Variants in CKAP5 observed in about 807,000 individuals in gnomAD.
CKAP5 encodes cytoskeleton associated protein 5, also known as cytoskeleton-associated protein 5.
CKAP5 carries 27 observed loss-of-function variants against 232.8 expected under a neutral mutation model. That is an observed-to-expected ratio of 0.12 (90% CI 0.09 to 0.16). The LOEUF (loss-of-function observed/expected upper bound fraction) is 0.16. Among genes scored for constraint, CKAP5 ranks in the 10% least tolerant of loss-of-function variants. The probability of loss-of-function intolerance (pLI) is 1.00; values close to 1 mark genes in which losing one functional copy is unlikely to be tolerated. For synonymous variants in CKAP5, 785 were observed against 841.1 expected (o/e 0.93, Z 1.16); for missense variants, 1,838 against 2,424.7 (o/e 0.76, Z 5.08).
chr11:46,807,101 C>T (rs941431770), intron 8 of CKAP5, among the ~76,000 whole-genome samples: 4 of 152,158 alleles, frequency 2.6e-5, no homozygotes, highest in African/African-American at 4.8e-5. Context: ...GCAAGAGTTA[C>T]AGTGTTGTCG....
At chr11:46,760,528 C>A in intron 33 of CKAP5, 84 bp downstream of exon 33, 1 of 1,357,794 alleles carries the variant, frequency 7.4e-7, no homozygotes, top group African/African-American at 1.4e-5. Flanking sequence ...TACAAGAACT[C>A]AAGATTATGT....
At chr11:46,758,714 G>GA (rs5791737) in intron 35 of CKAP5, 5,422 of 340,038 alleles carry the variant, frequency 0.016, 5 homozygotes, top group East Asian at 0.033. Context: ...CTCAAAAGAG[G>GA]AAAAAAAAAA....
intron 16 of CKAP5, 123 bp downstream of exon 16, chr11:46,788,558 G>A: frequency 1.7e-6 from 1 of 601,582 alleles, no homozygotes; most frequent in East Asian, 3.4e-5. Context: ...TGGGCAACAA[G>A]AGCGAAACTC....
intron 8 of CKAP5, among the ~76,000 whole-genome samples, chr11:46,806,603 A>G (rs1247955177): frequency 6.6e-6 from 1 of 152,230 alleles, no homozygotes; most frequent in African/African-American, 2.4e-5. Context: ...CAAGATGGAA[A>G]ATTGATGACT....
chr11:46,775,294 G>T (rs554909005), intron 24 of CKAP5, among the ~76,000 whole-genome samples: 1 of 152,134 alleles, frequency 6.6e-6, no homozygotes, highest in Non-Finnish European at 1.5e-5. Flanking sequence ...ACCATCTCAC[G>T]CCAGTTAGAA....
intron 18 of CKAP5, among the ~76,000 whole-genome samples, chr11:46,781,802 A>C (rs907498218): frequency 3.3e-5 from 5 of 152,196 alleles, no homozygotes; most frequent in African/African-American, 1.2e-4. Flanking sequence ...CCTGCTTTAC[A>C]TAAACATATA....
At chr11:46,785,199 GACCT>G (rs1416922031) in intron 16 of CKAP5, among the ~76,000 whole-genome samples, 1 of 152,184 alleles carries the variant, frequency 6.6e-6, no homozygotes, top group Non-Finnish European at 1.5e-5. Flanking sequence ...TGTGATGGCA[GACCT>G]ATGGGATTAA....
rs60142188 is a variant in CKAP5 at position 46,814,131 on chromosome 11, CA to C, written c.458+2066del. 7.4e-3 allele frequency among the ~76,000 whole-genome samples: 598 copies of C among 81,184 alleles called. 4 individuals carry two copies. The highest frequency in any genetic ancestry group is 0.019 in the African/African-American group (389 of 20,060). 53.3% of individuals were successfully genotyped at this position (81,184 alleles called of 152,430 possible). On this transcript the variant is annotated intron_variant, in intron 4 of 43. Coordinates refer to ENST00000529230, the MANE Select transcript of CKAP5 (RefSeq NM_001008938.4). ...TGGGTGACAGAGCGAGACCTTGTCT[CA>C]AAAAAAAAAAAAAAAAAAAAAAAAG... is the stretch of plus-strand genomic sequence containing the variant.
intron 38 of CKAP5, 48 bp from the exon 39 acceptor site, chr11:46,751,582 T>C (rs1444723177): frequency 6.8e-7 from 1 of 1,464,416 alleles, no homozygotes; most frequent in African/African-American, 1.4e-5. Context: ...AGAATGAGGA[T>C]AATTTGTCAC....
rs765293345 is a variant in CKAP5 at position 46,744,448 on chromosome 11, C to T, written c.5834G>A (p.Arg1945Gln). The change falls in exon 43 of 44, where the codon CGA becomes CAA. Residue 1945 changes from arginine to glutamine, a missense_variant. Arg to Gln is a conservative substitution (Grantham distance 43). This residue lies in a region of CKAP5 where 579 missense variants were observed against 843.2 expected (regional missense o/e 0.69). Coordinates refer to ENST00000529230, the MANE Select transcript of CKAP5 (RefSeq NM_001008938.4). ...TACCTTTGTGTTGTCCAGACCACAT[C>T]GCTGTCGGAGGATCTTTAGCCTTTC... ...YLERLKILRQRCGLDNTKQDD... is the reference protein window; with the variant it reads ...YLERLKILRQQCGLDNTKQDD... 1.1e-5 allele frequency: 18 copies of T among 1,614,130 alleles called. No homozygotes were observed. Among genetic ancestry groups the T allele is most frequent in the South Asian group, 2.2e-5 (2 of 91,080 alleles).
intron 1 of CKAP5, among the ~76,000 whole-genome samples, chr11:46,845,247 A>G (rs1940157629): frequency 6.6e-6 from 1 of 152,212 alleles, no homozygotes; most frequent in Non-Finnish European, 1.5e-5. Flanking sequence ...ATAATTATGC[A>G]TAAGACAGGC....
intron 7 of CKAP5, among the ~76,000 whole-genome samples, chr11:46,808,495 C>T (rs911040914): frequency 7.2e-5 from 11 of 152,104 alleles, no homozygotes; most frequent in African/African-American, 2.4e-4. Flanking sequence ...GAGCCAAGAT[C>T]GCGCCACTGC....
intron 3 of CKAP5, among the ~76,000 whole-genome samples, chr11:46,817,665 T>C (rs1418960371): frequency 6.6e-6 from 1 of 152,158 alleles, no homozygotes; most frequent in Non-Finnish European, 1.5e-5. Flanking sequence ...TTAAGTCAAG[T>C]GTTTCAACTT....
chr11:46,829,842 G>A (rs1410340720), intron 1 of CKAP5, among the ~76,000 whole-genome samples: 4 of 14,460 alleles, frequency 2.8e-4, no homozygotes, highest in African/African-American at 6.7e-4. Context: ...TTTTGTATGT[G>A]TGTGTGTGTG....
chr11:46,763,236 T>C, intron 29 of CKAP5, 57 bp from the exon 30 acceptor site: 1 of 1,369,108 alleles, frequency 7.3e-7, no homozygotes, highest in Non-Finnish European at 1.0e-6. Flanking sequence ...ATCTTAATTC[T>C]ACTAGGCAAG....
Position 46,754,916 on chromosome 11 carries a change from T to A in CKAP5, c.4841A>T (p.Tyr1614Phe). ...AATCATGTTGCCAATGATACAGCTA[T>A]ACAACTTGATGATCTCGTCCTTCTC... ...KLEKDEIIKL[Y>F]SCIIGNMISL... The change falls in exon 36 of 44, where the codon TAT becomes TTT. Residue 1614 changes from tyrosine to phenylalanine, a missense_variant. Physicochemically the swap from Tyr to Phe is conservative, Grantham distance 22. Transcript: ENST00000529230. 6.2e-7 allele frequency: 1 copy of A among 1,613,802 alleles called. No individual in the cohort carries two copies.
At chr11:46,821,109 A>T in intron 2 of CKAP5, 66 bp downstream of exon 2, 3 of 1,091,492 alleles carry the variant, frequency 2.7e-6, no homozygotes, top group Non-Finnish European at 4.2e-6. Flanking sequence ...TCTAAGTAAG[A>T]TGATAGTATA....
chr11:46,801,482 C>T (rs954075696), intron 8 of CKAP5, among the ~76,000 whole-genome samples, 178 bp from the exon 9 acceptor site: 1 of 152,074 alleles, frequency 6.6e-6, no homozygotes, highest in African/African-American at 2.4e-5. Flanking sequence ...TCAGCCTGAC[C>T]AACATGGTGA....
intron 9 of CKAP5, among the ~76,000 whole-genome samples, chr11:46,800,196 A>G (rs1459109565): frequency 6.6e-6 from 1 of 152,166 alleles, no homozygotes; most frequent in Non-Finnish European, 1.5e-5. Context: ...ATTTTATTTC[A>G]ATTTATGATG....
Sources: gnomAD v4.1 joint callset for allele counts (sites outside exome capture counted in the v4.1 genomes callset) on GRCh38, gnomAD v4.1.1 for gene constraint, gnomAD v4.1.1 regional missense constraint, MANE v1.5 for transcripts, NCBI Gene and HGNC (gene_info 2026-07-23, HGNC 2026-07-21) for gene names.